Variants in IHO1 observed in about 807,000 individuals in gnomAD.
IHO1 encodes the protein interactor of HORMAD1 protein 1.
In IHO1, 13 loss-of-function variants were observed where a neutral mutation model predicts 31.0. That is an observed-to-expected ratio of 0.42 (90% CI 0.27 to 0.67). IHO1 has a LOEUF of 0.67. IHO1 is among the 30% of genes least tolerant of loss of function. IHO1 has a pLI of 0.24. For missense variants in IHO1, 599 were observed against 687.5 expected (o/e 0.87, Z 1.44); for synonymous variants, 221 against 248.4 (o/e 0.89, Z 1.04).
chr3:49,257,157 G>T lies in IHO1; in HGVS notation c.1660G>T (p.Asp554Tyr). Residue 554 changes from aspartate to tyrosine, a missense_variant, in exon 8 of 8, where the codon GAC (aspartate) becomes TAC (tyrosine). Coordinates refer to ENST00000452691, the MANE Select transcript of IHO1 (RefSeq NM_001135197.2). ...NWLLSSSSQG[D>Y]HQMSWFSDLN... ...GCTACTTTCCAGCAGTTCCCAGGGGGACCACCAGATGAGCTGGTTCAGTGA... is the reference window on the plus strand; with the variant it reads ...GCTACTTTCCAGCAGTTCCCAGGGGTACCACCAGATGAGCTGGTTCAGTGA... The T allele has an allele frequency of 6.2e-7, 1 of 1,614,178 alleles. No individual in the cohort carries two copies. Among genetic ancestry groups the T allele is most frequent in the Non-Finnish European group, 8.5e-7 (1 of 1,180,038 alleles).
chr3:49,197,789 G>A (rs534344517), upstream of IHO1, among the ~76,000 whole-genome samples: 5 of 151,832 alleles, frequency 3.3e-5, no homozygotes, highest in South Asian at 2.1e-4. Flanking sequence ...TAGGAGAATC[G>A]CTTGAACCTC....
intron 2 of IHO1, among the ~76,000 whole-genome samples, chr3:49,234,579 A>T (rs1379360019): frequency 6.6e-6 from 1 of 152,014 alleles, no homozygotes; most frequent in African/African-American, 2.4e-5. Context: ...CCATCTCCAA[A>T]TACTATCACA....
At position 49,246,200 on chromosome 3, in the gene IHO1, A is replaced by AC. The variant is rs1305846571; in HGVS notation, c.532+1467_532+1468insC. 2.4e-4 allele frequency among the ~76,000 whole-genome samples: 36 copies of AC among 151,698 alleles called. 1 individual carries two copies. In the East Asian group the frequency reaches 6.6e-3, roughly 28 times the overall value. ...CCGTCAAAAAAAAAAAAAAAAAAAA[A>AC]AACTTGTTCTGGAAGCCTTGAAACT... On this transcript the variant is annotated intron_variant, in intron 6 of 7. Transcript: ENST00000452691.
At chr3:49,250,351 T>C (rs1435248879) in intron 6 of IHO1, among the ~76,000 whole-genome samples, 1 of 152,196 alleles carries the variant, frequency 6.6e-6, no homozygotes, top group African/African-American at 2.4e-5. Flanking sequence ...TGTAATGAGT[T>C]TGATACAAAA....
chr3:49,192,327 ACAG>A, the IHO1 span, among the ~76,000 whole-genome samples: 1 of 152,184 alleles, frequency 6.6e-6, no homozygotes, highest in Non-Finnish European at 1.5e-5. Flanking sequence ...GCATAACAGA[ACAG>A]AAGAAGGAAC....
chr3:49,236,117 T>G (rs1335381380), intron 2 of IHO1, among the ~76,000 whole-genome samples: 1 of 151,914 alleles, frequency 6.6e-6, no homozygotes, highest in East Asian at 1.9e-4. Flanking sequence ...AGCACATACC[T>G]GTAGTCCTAG....
chr3:49,236,593 C>T lies in IHO1; in HGVS notation c.102C>T (p.Ser34=), dbSNP rs370305900. ...SNWNNNQNDY[S]SLSDSQFLFG... is the part of the protein sequence containing the mutation. Reference sequence around the variant, plus strand: ...GGAATAATAATCAAAATGATTATTCCAGTCTCAGTGATTCCCAGTTCCTCT... The same window carrying T: ...GGAATAATAATCAAAATGATTATTCTAGTCTCAGTGATTCCCAGTTCCTCT... The change falls in exon 3 of 8, where the codon TCC becomes TCT. Residue 34 remains serine, a synonymous_variant. Coordinates refer to ENST00000452691, the MANE Select transcript of IHO1 (RefSeq NM_001135197.2). 8 of 1,612,764 alleles carry T rather than the reference C, an allele frequency of 5.0e-6. No individual in the cohort carries two copies. The highest frequency in any genetic ancestry group is 1.6e-4 in the Middle Eastern group (1 of 6,080).
Position 49,256,949 on chromosome 3 carries a change from C to T in IHO1, c.1452C>T (p.Val484=), listed in dbSNP as rs2046833646. ...KYQSPQPAIS[V]PQSPFLGQQE... Reference sequence around the variant, plus strand: ...AGAGTCCTCAGCCTGCAATTTCTGTCCCTCAAAGCCCCTTCCTGGGGCAGC... The same window carrying T: ...AGAGTCCTCAGCCTGCAATTTCTGTTCCTCAAAGCCCCTTCCTGGGGCAGC... The change falls in exon 8 of 8, where the codon GTC becomes GTT. Residue 484 remains valine (V), a synonymous_variant. Coordinates refer to ENST00000452691, the MANE Select transcript of IHO1 (RefSeq NM_001135197.2). The surrounding 1 kb of genome is among the most constrained non-coding windows in gnomAD (Gnocchi z 4.6). The T allele has an allele frequency of 6.2e-7, 1 of 1,614,126 alleles. No homozygotes were observed. The highest frequency in any genetic ancestry group is 1.3e-5 in the African/African-American group (1 of 74,952).
Position 49,224,287 on chromosome 3 carries a change from G to A in IHO1, c.57-12261G>A, listed in dbSNP as rs566292065. ...CTTCCGTAGGTATTTCTAATGGGAG[G>A]TTCCACCTGGCAGCAATTTTGGCCT... On this transcript the variant is annotated intron_variant, in intron 2 of 7. Transcript: ENST00000452691. Among the ~76,000 whole-genome samples the A allele has an allele frequency of 2.0e-3, 302 of 152,122 alleles. 3 individuals are homozygous for A. Among genetic ancestry groups the A allele is most frequent in the African/African-American group, 6.9e-3 (287 of 41,544 alleles).
chr3:49,200,707 A>G, intron 1 of IHO1: 1 of 309,360 alleles, frequency 3.2e-6, no homozygotes, highest in Non-Finnish European at 4.7e-6. Flanking sequence ...TTCCTTTAAT[A>G]GGAAAGAGAG....
At chr3:49,232,991 T>C (rs1048789085) in intron 2 of IHO1, among the ~76,000 whole-genome samples, 9 of 152,194 alleles carry the variant, frequency 5.9e-5, no homozygotes, top group Admixed American at 5.2e-4. Flanking sequence ...CTCAAAAACC[T>C]ATTTGTAAAC....
Position 49,257,157 on chromosome 3 carries a change from G to C in IHO1, c.1660G>C (p.Asp554His), listed in dbSNP as rs369435918. 1.4e-5 allele frequency: 22 copies of C among 1,614,178 alleles called. No individual in the cohort carries two copies. Among genetic ancestry groups the C allele is most frequent in the Admixed American group, 3.3e-5 (2 of 60,016 alleles). Residue 554 changes from aspartate to histidine, a missense_variant, in exon 8 of 8, where the codon GAC becomes CAC. Physicochemically the swap from Asp to His is moderately conservative, Grantham distance 81. Coordinates refer to ENST00000452691, the MANE Select transcript of IHO1 (RefSeq NM_001135197.2). ...GCTACTTTCCAGCAGTTCCCAGGGG[G>C]ACCACCAGATGAGCTGGTTCAGTGA... Reference protein sequence around the residue: ...NWLLSSSSQGDHQMSWFSDLN... With the variant: ...NWLLSSSSQGHHQMSWFSDLN...
intron 6 of IHO1, among the ~76,000 whole-genome samples, chr3:49,250,515 C>T (rs1010243709): frequency 2.6e-5 from 4 of 152,088 alleles, no homozygotes; most frequent in Admixed American, 6.6e-5. Flanking sequence ...GTCAGTAATG[C>T]CCACTGTTGC....
intron 2 of IHO1, among the ~76,000 whole-genome samples, chr3:49,222,322 G>A (rs964029640): frequency 6.6e-6 from 1 of 152,144 alleles, no homozygotes; most frequent in African/African-American, 2.4e-5. Context: ...TAAGTTGAGA[G>A]TCTTGTACAG....
At chr3:49,193,772 G>T (rs2045979455), upstream of IHO1, among the ~76,000 whole-genome samples, 1 of 151,544 alleles carries the variant, frequency 6.6e-6, no homozygotes, top group African/African-American at 2.4e-5. Flanking sequence ...GACCAGCCTG[G>T]CCAACATGGT....
intron 2 of IHO1, among the ~76,000 whole-genome samples, chr3:49,225,350 C>G (rs2107704651): frequency 6.6e-6 from 1 of 152,256 alleles, no homozygotes; most frequent in Non-Finnish European, 1.5e-5. Flanking sequence ...GTAATCCCAG[C>G]CACTCAGGAG....
At chr3:49,226,765 C>G (rs994556465) in intron 2 of IHO1, among the ~76,000 whole-genome samples, 3 of 152,142 alleles carry the variant, frequency 2.0e-5, no homozygotes, top group Admixed American at 6.5e-5. Context: ...CAAGAGAGAT[C>G]GAGGGTCTGC....
At chr3:49,202,175 A>G (rs930726968) in intron 1 of IHO1, among the ~76,000 whole-genome samples, 9 of 152,152 alleles carry the variant, frequency 5.9e-5, no homozygotes, top group Non-Finnish European at 1.0e-4. Context: ...AGACAAGTTA[A>G]TAGTGTATTA....
At chr3:49,197,211 C>T (rs532564061), upstream of IHO1, among the ~76,000 whole-genome samples, 1 of 148,200 alleles carries the variant, frequency 6.7e-6, no homozygotes, top group East Asian at 2.0e-4. Context: ...AGGATGTTCT[C>T]AATCTCCTGA....
Sources: gnomAD v4.1 joint callset for allele counts (sites outside exome capture counted in the v4.1 genomes callset) on GRCh38, gnomAD v4.1.1 for gene constraint, Gnocchi (gnomAD v3.1) non-coding constraint, MANE v1.5 for transcripts, NCBI Gene and HGNC (gene_info 2026-07-23, HGNC 2026-07-21) for gene names.